Variants in CCNH observed in about 807,000 individuals in gnomAD.
The protein encoded by CCNH is cyclin H, also known as cyclin-H.
In CCNH, 31 loss-of-function variants were observed where a neutral mutation model predicts 41.9. The ratio of observed to expected loss-of-function variants is 0.74; its 90% CI spans 0.56 to 1.00. The LOEUF is 1.00. Among genes scored for constraint, CCNH ranks in the 50% least tolerant of loss-of-function variants. The probability of loss-of-function intolerance (pLI) is 0.00; values close to 1 mark genes in which losing one functional copy is unlikely to be tolerated. For synonymous variants in CCNH, 138 were observed against 136.1 expected (o/e 1.01, Z -0.10); for missense variants, 362 against 388.4 (o/e 0.93, Z 0.57).
upstream of CCNH, among the ~76,000 whole-genome samples, chr5:87,381,312 A>G (rs1761698170): frequency 2.0e-5 from 3 of 152,186 alleles, no homozygotes; most frequent in Admixed American, 2.0e-4. Context: ...ACCCAATCTG[A>G]TATCCTTGAG....
chr5:87,409,863 G>C (rs1416774845), intron 2 of CCNH, among the ~76,000 whole-genome samples: 2 of 152,144 alleles, frequency 1.3e-5, no homozygotes, highest in African/African-American at 4.8e-5. Flanking sequence ...GCTGCCAACT[G>C]AATGGCAGAA....
rs1764360635 is a variant in CCNH at position 87,412,722 on chromosome 5, C to T, written c.73G>A (p.Asp25Asn). The T allele has an allele frequency of 1.2e-6, 2 of 1,614,092 alleles. No individual in the cohort carries two copies. The highest frequency in any genetic ancestry group is 1.7e-6 in the Non-Finnish European group (2 of 1,180,034). The change falls in exon 1 of 9, where the codon GAC (aspartate) becomes AAC (asparagine). Residue 25 changes from aspartate to asparagine, a missense_variant. Coordinates refer to ENST00000256897, the MANE Select transcript of CCNH (RefSeq NM_001239.4). The part of the protein sequence containing the change: ...SEEQLARLRA[D>N]ANRKFRCKAV... Reference sequence around the variant, plus strand: ...TTGCATCTGAATTTGCGGTTGGCGTCAGCCCGCAGTCTTGCCAGCTGCTCC... The same window carrying T: ...TTGCATCTGAATTTGCGGTTGGCGTTAGCCCGCAGTCTTGCCAGCTGCTCC...
At chr5:87,388,154 A>G (rs951880257), downstream of CCNH, among the ~76,000 whole-genome samples, 7 of 152,184 alleles carry the variant, frequency 4.6e-5, no homozygotes, top group Admixed American at 3.3e-4. Context: ...ACTTTATTCT[A>G]AAGTCCTTTC....
intron 9 of CCNH, among the ~76,000 whole-genome samples, chr5:87,357,906 A>C (rs1288857229): frequency 6.6e-6 from 1 of 152,224 alleles, no homozygotes; most frequent in East Asian, 1.9e-4. Context: ...ATTATAAAGC[A>C]ATTTGATTGA....
Position 87,411,351 on chromosome 5 carries a change from A to C in CCNH, c.118-5T>G. The C allele has an allele frequency of 6.2e-7, 1 of 1,600,884 alleles. No homozygotes were observed. Among genetic ancestry groups the C allele is most frequent in the Non-Finnish European group, 8.5e-7 (1 of 1,175,502 alleles). On this transcript the variant is annotated splice_polypyrimidine_tract_variant and splice_region_variant and intron_variant, in intron 1 of 8. Transcript: ENST00000256897. ...GACTGGATCATTCGGAAGAACCTTT[A>C]GATCAACAATTACAACACAAGTTCA...
chr5:87,378,403 C>T, upstream of CCNH: 1 of 1,612,364 alleles, frequency 6.2e-7, no homozygotes, highest in East Asian at 2.2e-5. Context: ...TAGATGAAGC[C>T]ACTACCCTAT....
intron 9 of CCNH, among the ~76,000 whole-genome samples, chr5:87,346,449 T>G (rs952433553): frequency 2.6e-5 from 4 of 151,874 alleles, no homozygotes; most frequent in African/African-American, 9.7e-5. Flanking sequence ...GTAATGAAAA[T>G]TGTAGTTTAT....
At chr5:87,338,533 A>ATATATATATATATATATATCT (rs1491365794) in intron 9 of CCNH, among the ~76,000 whole-genome samples, 1 of 91,326 alleles carries the variant, frequency 1.1e-5, no homozygotes, top group Non-Finnish European at 2.0e-5. Context: ...ATATATATAT[A>ATATATATATATATATATATCT]AAATTTTTTT....
In CCNH at chr5:87,362,535, G is replaced by GT. The variant is rs775819060; in HGVS notation, c.*90+30234dup. On this transcript the variant is annotated intron_variant and NMD_transcript_variant, in intron 9 of 9. Coordinates refer to the CCNH transcript ENST00000645953. ...CAAGAATGTATGAAATAATTTTAAT[G>GT]TTTTTTAAAATTCAGGATCAAGAAC... 43 of 1,579,100 alleles carry GT rather than the reference G, an allele frequency of 2.7e-5. No homozygotes were observed. Among genetic ancestry groups the GT allele is most frequent in the Non-Finnish European group, 3.6e-5 (41 of 1,149,762 alleles).
At chr5:87,391,044 A>T (rs1762476793), downstream of CCNH, 3 of 740,550 alleles carry the variant, frequency 4.1e-6, no homozygotes, top group South Asian at 4.6e-5. Flanking sequence ...CTGGTGAATA[A>T]CTATGCCAGC....
chr5:87,340,234 T>G (rs1758339548), intron 9 of CCNH, among the ~76,000 whole-genome samples: 1 of 152,130 alleles, frequency 6.6e-6, no homozygotes, highest in African/African-American at 2.4e-5. Flanking sequence ...TCATCCCTGT[T>G]TCACAGAGGA....
In CCNH at chr5:87,407,995, C is replaced by A; in HGVS notation, c.506G>T (p.Gly169Val). 1.2e-6 allele frequency: 2 copies of A among 1,611,240 alleles called. No individual in the cohort carries two copies. The highest frequency in any genetic ancestry group is 1.7e-6 in the Non-Finnish European group (2 of 1,177,406). ...GTTTACCTTTAAGTCGATGAGGAAGCCCTCAAATGGTCTGTAAGGATTGTG... is the reference window on the plus strand; with the variant it reads ...GTTTACCTTTAAGTCGATGAGGAAGACCTCAAATGGTCTGTAAGGATTGTG... ...IVHNPYRPFE[G>V]FLIDLKTRYP... is the part of the protein sequence containing the mutation. Residue 169 changes from glycine (G) to valine (V), a missense_variant, in exon 4 of 9, where the codon GGC (glycine) becomes GTC (valine). Gly to Val is a moderately radical substitution (Grantham distance 109, BLOSUM62 -3). Transcript: ENST00000256897.
rs556179482 is a variant in CCNH at position 87,394,511 on chromosome 5, G to A, written c.934-27C>T. 3.1e-6 allele frequency: 5 copies of A among 1,612,730 alleles called. No homozygotes were observed. The South Asian group carries it at 4.4e-5, about 14-fold the overall frequency. On this transcript the variant is annotated intron_variant, in intron 8 of 8. Transcript: ENST00000256897. Reference sequence around the variant, plus strand: ...TAAGAAGGAAAAAAAGTGTGGTAAGGATAACACTGAAGCATAACCAGTATT... The same window carrying A: ...TAAGAAGGAAAAAAAGTGTGGTAAGAATAACACTGAAGCATAACCAGTATT...
intron 7 of CCNH, 33 bp from the exon 8 acceptor site, chr5:87,395,137 A>T: frequency 5.0e-6 from 8 of 1,585,608 alleles, no homozygotes; most frequent in Non-Finnish European, 6.9e-6. Context: ...AAGCAATCCA[A>T]TACCAGCCAC....
chr5:87,311,703 A>G, the CCNH span, among the ~76,000 whole-genome samples: 1 of 152,118 alleles, frequency 6.6e-6, no homozygotes, highest in Non-Finnish European at 1.5e-5. Flanking sequence ...GTGTCCAGGG[A>G]TCTTTTGGGT....
At chr5:87,348,755 A>T (rs924249812) in intron 9 of CCNH, among the ~76,000 whole-genome samples, 5 of 151,874 alleles carry the variant, frequency 3.3e-5, no homozygotes, top group African/African-American at 1.2e-4. Flanking sequence ...CACTGTGCCT[A>T]GCACAGTCAT....
intron 9 of CCNH, chr5:87,349,506 A>AT: frequency 2.1e-6 from 2 of 960,694 alleles, no homozygotes; most frequent in East Asian, 5.3e-5. Context: ...CATAGTAGTC[A>AT]TGCCCAAGAA....
intron 9 of CCNH, chr5:87,363,549 A>G (rs773008878): frequency 6.3e-7 from 1 of 1,582,644 alleles, no homozygotes; most frequent in East Asian, 2.2e-5. Context: ...TGTCTTAATA[A>G]TAAAATAGTA....
At chr5:87,362,906 CT>C (rs879684008) in intron 9 of CCNH, among the ~76,000 whole-genome samples, 160 of 139,924 alleles carry the variant, frequency 1.1e-3, no homozygotes, top group Middle Eastern at 3.9e-3. Flanking sequence ...TTCTTTCTTT[CT>C]TTTTTTTTTT....
Sources: allele counts gnomAD v4.1 joint callset (sites outside exome capture counted in the v4.1 genomes callset), GRCh38; gene constraint gnomAD v4.1.1; transcripts MANE v1.5; gene names NCBI Gene and HGNC (gene_info 2026-07-23, HGNC 2026-07-21).